Variants in SFMBT2 observed in about 807,000 individuals in gnomAD.
SFMBT2 encodes scm-like with four MBT domains protein 2.
A neutral mutation model predicts 110.1 loss-of-function variants in SFMBT2; 38 were observed. The observed-to-expected ratio is 0.35, with a 90% CI of 0.27 to 0.45. The LOEUF (loss-of-function observed/expected upper bound fraction) is 0.45. Ranked by LOEUF, SFMBT2 falls within the 20% of genes least tolerant of loss-of-function variation. SFMBT2 has a pLI of 1.00. For synonymous variants in SFMBT2, 425 were observed against 425.4 expected, an observed-to-expected ratio of 1.00 and a Z score of 0.01; for missense variants, 1,011 against 1,094.9, an observed-to-expected ratio of 0.92 and a Z score of 1.08.
At chr10:7,291,642 A>C (rs1842263694) in intron 4 of SFMBT2, among the ~76,000 whole-genome samples, 1 of 152,178 alleles carries the variant, frequency 6.6e-6, no homozygotes, top group Non-Finnish European at 1.5e-5. Context: ...AATATGAAAC[A>C]ACAGAAACCT....
intron 1 of SFMBT2, among the ~76,000 whole-genome samples, chr10:7,383,950 C>T (rs967473326): frequency 6.6e-6 from 1 of 152,036 alleles, no homozygotes; most frequent in Non-Finnish European, 1.5e-5. Flanking sequence ...GTGGCTCATG[C>T]CTGTAATCCC....
rs1837559989 is a variant in SFMBT2, at chr10:7,161,932, G to A, written c.*1838C>T. The A allele has an allele frequency of 6.6e-6, 1 of 152,186 alleles. No individual in the cohort carries two copies. The highest frequency in any genetic ancestry group is 1.5e-5 in the Non-Finnish European group (1 of 68,036). 9.4% of individuals were successfully genotyped at this position (152,186 alleles called of 1,614,324 possible). On this transcript the variant is annotated 3_prime_UTR_variant, in exon 21 of 21. Transcript: ENST00000397167. ...GGGACGAGCTCAAGGTGATTGTGGTGAAAAAGCAGGAAGGGTGAGAAGCCT... is the reference window on the plus strand; with the variant it reads ...GGGACGAGCTCAAGGTGATTGTGGTAAAAAAGCAGGAAGGGTGAGAAGCCT...
intron 7 of SFMBT2, among the ~76,000 whole-genome samples, chr10:7,261,561 C>G (rs79224635): frequency 0.064 from 9,702 of 152,194 alleles, 407 homozygotes; most frequent in Admixed American, 0.089. Flanking sequence ...GCAGGCATGT[C>G]TGGATGGATT....
At chr10:7,342,821 A>T (rs577589048) in intron 4 of SFMBT2, among the ~76,000 whole-genome samples, 103 of 152,350 alleles carry the variant, frequency 6.8e-4, no homozygotes, top group African/African-American at 2.5e-3. Context: ...CTGGGAAATG[A>T]GCCAAAACAT....
At chr10:7,181,963 A>T (rs529718217) in intron 16 of SFMBT2, among the ~76,000 whole-genome samples, 1 of 152,214 alleles carries the variant, frequency 6.6e-6, no homozygotes, top group Non-Finnish European at 1.5e-5. Context: ...TGATCCTTAC[A>T]TGATCTTCCC....
At position 7,228,733 on chromosome 10, in the gene SFMBT2, TTCCTTTCTCTCTCTC is replaced by T. The variant is rs1564395364; in HGVS notation, c.1121-811_1121-797del. ...TTTCTTTCTTTCTTTCTTTCTTTCT[TTCCTTTCTCTCTCTC>T]TCTCTCTCTCTCTCTCTCTCTCTCT... is the stretch of plus-strand genomic sequence containing the variant. On this transcript the variant is annotated intron_variant, in intron 9 of 20. Transcript: ENST00000397167. Among the ~76,000 whole-genome samples the T allele has an allele frequency of 5.6e-3, 393 of 70,288 alleles. 3 individuals carry two copies. The highest frequency in any genetic ancestry group is 7.7e-3 in the Non-Finnish European group (276 of 35,810). The allele number at this position is 70,288 out of a possible 152,430, so 46.1% of individuals were successfully genotyped here.
At chr10:7,198,900 G>T (rs1445699140) in intron 14 of SFMBT2, among the ~76,000 whole-genome samples, 1 of 152,080 alleles carries the variant, frequency 6.6e-6, no homozygotes, top group Non-Finnish European at 1.5e-5. Context: ...AATTAGCCGG[G>T]CATGGTAGCA....
chr10:7,228,672 CTTCTTTCTTTCT>C (rs60421208), intron 9 of SFMBT2, among the ~76,000 whole-genome samples: 2,040 of 84,830 alleles, frequency 0.024, 112 homozygotes, highest in African/African-American at 0.041. Context: ...ACTAAAGTGG[CTTCTTTCTTTCT>C]TTCTTTCTTT....
At chr10:7,248,315 A>T (rs143099891) in intron 8 of SFMBT2, among the ~76,000 whole-genome samples, 4 of 152,356 alleles carry the variant, frequency 2.6e-5, no homozygotes, top group Admixed American at 6.5e-5. Flanking sequence ...AAGACAAGGA[A>T]AATTCACCCT....
At chr10:7,235,529 C>CCA (rs36008319) in intron 9 of SFMBT2, among the ~76,000 whole-genome samples, 39,385 of 150,408 alleles carry the variant, frequency 0.26, 5,255 homozygotes, top group South Asian at 0.37. Flanking sequence ...ACACTACATA[C>CCA]CACACACACA....
At chr10:7,352,608 C>T (rs1564454267) in intron 4 of SFMBT2, among the ~76,000 whole-genome samples, 1 of 152,166 alleles carries the variant, frequency 6.6e-6, no homozygotes, top group African/African-American at 2.4e-5. Context: ...ATAGAGGAGT[C>T]ATATTCCCCA....
At chr10:7,384,216 A>C (rs1845515813) in intron 1 of SFMBT2, among the ~76,000 whole-genome samples, 1 of 147,154 alleles carries the variant, frequency 6.8e-6, no homozygotes, top group Non-Finnish European at 1.5e-5. Context: ...CATCTCAAAA[A>C]AAAAAAAAAA....
At chr10:7,341,203 CAG>C (rs1393286497) in intron 4 of SFMBT2, among the ~76,000 whole-genome samples, 1 of 152,200 alleles carries the variant, frequency 6.6e-6, no homozygotes, top group East Asian at 1.9e-4. Flanking sequence ...AAGCTCGTAT[CAG>C]GGGCAGAGCG....
intron 10 of SFMBT2, among the ~76,000 whole-genome samples, chr10:7,222,464 T>C (rs1192500006): frequency 6.6e-6 from 1 of 152,222 alleles, no homozygotes; most frequent in African/African-American, 2.4e-5. Context: ...GGGTGGCTTC[T>C]TTGGAGGTCT....
chr10:7,283,005 G>A (rs555948940), intron 6 of SFMBT2, among the ~76,000 whole-genome samples: 1 of 152,142 alleles, frequency 6.6e-6, no homozygotes, highest in East Asian at 1.9e-4. Context: ...GGGTGGGAGG[G>A]GCCCAGCACC....
chr10:7,249,861 C>A (rs542656980), intron 7 of SFMBT2, among the ~76,000 whole-genome samples: 1 of 152,140 alleles, frequency 6.6e-6, no homozygotes, highest in Non-Finnish European at 1.5e-5. Flanking sequence ...CCAGGGCAGT[C>A]GGCAAAGGTC....
intron 11 of SFMBT2, among the ~76,000 whole-genome samples, chr10:7,218,582 G>A (rs1469628592): frequency 1.3e-5 from 2 of 152,142 alleles, no homozygotes; most frequent in Non-Finnish European, 2.9e-5. Flanking sequence ...TTTCTGATCT[G>A]TTTCCTAACA....
intron 4 of SFMBT2, among the ~76,000 whole-genome samples, chr10:7,302,838 T>C (rs1261462449): frequency 6.6e-6 from 1 of 152,184 alleles, no homozygotes; most frequent in African/African-American, 2.4e-5. Context: ...TGTATTTGAA[T>C]AACTGACTCC....
chr10:7,378,071 G>T (rs1463766951), intron 2 of SFMBT2, among the ~76,000 whole-genome samples: 1 of 151,248 alleles, frequency 6.6e-6, no homozygotes, highest in Non-Finnish European at 1.5e-5. Flanking sequence ...GTGTGTGTGT[G>T]CATGTGTATG....
Sources: gnomAD v4.1 joint callset for allele counts (sites outside exome capture counted in the v4.1 genomes callset) on GRCh38, gnomAD v4.1.1 for gene constraint, MANE v1.5 for transcripts, NCBI Gene and HGNC (gene_info 2026-07-23, HGNC 2026-07-21) for gene names.